Variants in SGCZ observed in about 807,000 individuals in gnomAD.
SGCZ encodes sarcoglycan zeta, also known as zeta-sarcoglycan.
A neutral mutation model predicts 41.3 loss-of-function variants in SGCZ; 40 were observed. The ratio of observed to expected loss-of-function variants is 0.97; its 90% CI spans 0.75 to 1.26. The LOEUF (loss-of-function observed/expected upper bound fraction) is 1.26, where lower values mean the gene tolerates loss of function less well. SGCZ is among the 50% of genes most tolerant of loss of function. The pLI, the probability that SGCZ is intolerant of heterozygous loss-of-function variation, is 0.00. For synonymous variants in SGCZ, 206 were observed against 137.5 expected, an observed-to-expected ratio of 1.50 and a Z score of -3.49; for missense variants, 552 against 369.8, an observed-to-expected ratio of 1.49 and a Z score of -4.04.
intron 1 of SGCZ, among the ~76,000 whole-genome samples, chr8:14,848,668 T>C (rs1015234176): frequency 6.6e-6 from 1 of 152,194 alleles, no homozygotes; most frequent in African/African-American, 2.4e-5. Context: ...AGCTTTGATC[T>C]TCTCTCCCAC....
At chr8:14,418,146 G>A (rs1353150113) in intron 2 of SGCZ, among the ~76,000 whole-genome samples, 1 of 151,934 alleles carries the variant, frequency 6.6e-6, no homozygotes, top group East Asian at 1.9e-4. Flanking sequence ...AGGATGGAAA[G>A]TTCTGGGAGA....
intron 1 of SGCZ, chr8:14,878,950 A>G (rs1563333889): frequency 6.6e-6 from 1 of 152,194 alleles, no homozygotes; most frequent in Non-Finnish European, 1.5e-5. Flanking sequence ...CCTATTCCCT[A>G]TAAAGGTGGT....
chr8:15,090,678 G>A (rs1806124466), intron 1 of SGCZ, among the ~76,000 whole-genome samples: 1 of 152,154 alleles, frequency 6.6e-6, no homozygotes, highest in African/African-American at 2.4e-5. Context: ...GTGGGAAGTA[G>A]GAAGGTAAAG....
In SGCZ at chr8:14,875,108, G is replaced by T. The variant is rs373194548; in HGVS notation, c.40-320182C>A. On this transcript the variant is annotated intron_variant, in intron 1 of 7. Coordinates refer to ENST00000382080, the MANE Select transcript of SGCZ (RefSeq NM_139167.4). ...GAAATTTATTTCTCACAGTTCTGGA[G>T]GCTGGGAAATTCAAGCACAAGGTGC... 6.1e-4 allele frequency among the ~76,000 whole-genome samples: 93 copies of T among 152,126 alleles called. 4 individuals carry two copies. The highest frequency in any genetic ancestry group is 4.4e-5 in the Non-Finnish European group (3 of 68,022).
At chr8:14,676,608 A>G (rs530396652) in intron 1 of SGCZ, among the ~76,000 whole-genome samples, 22 of 152,278 alleles carry the variant, frequency 1.4e-4, no homozygotes, top group African/African-American at 5.3e-4. Flanking sequence ...CCCAAAACCT[A>G]CTGCACAATA....
intron 2 of SGCZ, among the ~76,000 whole-genome samples, chr8:14,553,343 C>T (rs995401957): frequency 1.3e-5 from 2 of 152,084 alleles, no homozygotes; most frequent in Admixed American, 1.3e-4. Flanking sequence ...AACTCAACCT[C>T]TAGCCACCCT....
intron 2 of SGCZ, among the ~76,000 whole-genome samples, chr8:14,529,292 C>A (rs1461859): frequency 0.19 from 29,231 of 152,116 alleles, 2,929 homozygotes; most frequent in Admixed American, 0.25. Flanking sequence ...CCATACCTAA[C>A]TCATTCCAGC....
At chr8:15,196,024 A>T (rs1800718199) in intron 1 of SGCZ, among the ~76,000 whole-genome samples, 1 of 145,104 alleles carries the variant, frequency 6.9e-6, no homozygotes, top group African/African-American at 2.6e-5. Context: ...CAGCCTCCCG[A>T]GTAGCTGGGA....
intron 1 of SGCZ, among the ~76,000 whole-genome samples, chr8:14,935,259 G>C (rs1800047550): frequency 6.6e-6 from 1 of 151,448 alleles, no homozygotes; most frequent in Non-Finnish European, 1.5e-5. Flanking sequence ...CATATACATG[G>C]TATCACATGT....
At chr8:14,439,331 C>G (rs1415035907) in intron 2 of SGCZ, among the ~76,000 whole-genome samples, 1 of 116,214 alleles carries the variant, frequency 8.6e-6, no homozygotes, top group Non-Finnish European at 2.0e-5. Flanking sequence ...ATATATATAT[C>G]TCCTCATGGA....
At chr8:14,551,542 AAT>A (rs369354761) in intron 2 of SGCZ, among the ~76,000 whole-genome samples, 164 of 7,042 alleles carry the variant, frequency 0.023, 17 homozygotes, top group Non-Finnish European at 0.039. Flanking sequence ...TAATATATAT[AAT>A]ATATATAATA....
At chr8:14,299,856 CTTTA>C (rs143870440) in intron 3 of SGCZ, among the ~76,000 whole-genome samples, 20,286 of 151,766 alleles carry the variant, frequency 0.13, 1,521 homozygotes, top group Admixed American at 0.21. Context: ...AATATAGTAT[CTTTA>C]TTTATTAATA....
chr8:14,967,737 G>C (rs543535805), intron 1 of SGCZ, among the ~76,000 whole-genome samples: 18 of 152,176 alleles, frequency 1.2e-4, no homozygotes, highest in African/African-American at 4.3e-4. Context: ...AACCATGCCT[G>C]ATTTTACTTG....
intron 2 of SGCZ, among the ~76,000 whole-genome samples, chr8:14,490,732 C>T (rs767318754): frequency 6.6e-6 from 1 of 152,124 alleles, no homozygotes; most frequent in Non-Finnish European, 1.5e-5. Flanking sequence ...GAAATGCAAA[C>T]ATACCACTAA....
At chr8:14,485,110 G>A (rs1801637483) in intron 2 of SGCZ, among the ~76,000 whole-genome samples, 1 of 152,196 alleles carries the variant, frequency 6.6e-6, no homozygotes, top group African/African-American at 2.4e-5. Context: ...AATTTATGCA[G>A]AATTTCCTCT....
At chr8:14,253,309 T>C (rs966500844) in intron 3 of SGCZ, among the ~76,000 whole-genome samples, 1 of 151,844 alleles carries the variant, frequency 6.6e-6, no homozygotes, top group Non-Finnish European at 1.5e-5. Flanking sequence ...ATTTAATTTT[T>C]GTTTATGAAT....
intron 3 of SGCZ, among the ~76,000 whole-genome samples, chr8:14,240,755 A>G (rs1798854016): frequency 6.6e-6 from 1 of 152,252 alleles, no homozygotes; most frequent in African/African-American, 2.4e-5. Context: ...TCCACAAGTC[A>G]CATAATCATT....
At chr8:14,927,936 C>A (rs1799806697) in intron 1 of SGCZ, among the ~76,000 whole-genome samples, 1 of 152,082 alleles carries the variant, frequency 6.6e-6, no homozygotes, top group African/African-American at 2.4e-5. Context: ...GATGATTTTT[C>A]AACATCCCAA....
intron 1 of SGCZ, among the ~76,000 whole-genome samples, chr8:15,037,395 C>A (rs945262551): frequency 6.6e-6 from 1 of 152,146 alleles, no homozygotes; most frequent in Admixed American, 6.5e-5. Flanking sequence ...TGAGGCCTCC[C>A]CAGCCCTGCA....
Sources: gnomAD v4.1 joint callset for allele counts (sites outside exome capture counted in the v4.1 genomes callset) on GRCh38, gnomAD v4.1.1 for gene constraint, MANE v1.5 for transcripts, NCBI Gene and HGNC (gene_info 2026-07-23, HGNC 2026-07-21) for gene names.